The following ATP6V1H variants were observed in gnomAD, a reference collection of about 807,000 sequenced individuals.
The protein encoded by ATP6V1H is V-type proton ATPase subunit H.
A neutral mutation model predicts 71.7 loss-of-function variants in ATP6V1H; 39 were observed. The observed-to-expected ratio is 0.54, with a 90% CI of 0.42 to 0.71. The LOEUF (loss-of-function observed/expected upper bound fraction) is 0.71. Ranked by LOEUF, ATP6V1H falls within the 30% of genes least tolerant of loss-of-function variation. The pLI, the probability that ATP6V1H is intolerant of heterozygous loss-of-function variation, is 0.00. For synonymous variants in ATP6V1H, 192 were observed against 199.3 expected (o/e 0.96, Z 0.31); for missense variants, 509 against 594.9 (o/e 0.86, Z 1.50).
intron 6 of ATP6V1H, among the ~76,000 whole-genome samples, chr8:53,812,467 A>C (rs1810308716): frequency 6.6e-6 from 1 of 152,214 alleles, no homozygotes; most frequent in African/African-American, 2.4e-5. Context: ...GTTGCACATC[A>C]TTACAAGCAT....
At chr8:53,786,102 C>T (rs960046036) in intron 9 of ATP6V1H, among the ~76,000 whole-genome samples, 1 of 152,216 alleles carries the variant, frequency 6.6e-6, no homozygotes, top group Non-Finnish European at 1.5e-5. Context: ...GAGGTTACTG[C>T]TGCCTTTTGT....
chr8:53,840,062 G>T, intron 2 of ATP6V1H: 2 of 315,972 alleles, frequency 6.3e-6, no homozygotes, highest in Non-Finnish European at 9.2e-6. Flanking sequence ...GCTCCTACTT[G>T]CCACATGGCT....
In ATP6V1H at chr8:53,721,458, G is replaced by A. The variant is rs551186746; in HGVS notation, c.1392-5434C>T. ...AAAACAGTATTTAACATCACAATAT[G>A]TACCATTTTTTAGTGCCTGCTAGTT... On this transcript the variant is annotated intron_variant, in intron 13 of 13. Coordinates refer to ENST00000359530, the MANE Select transcript of ATP6V1H (RefSeq NM_015941.4). Among the ~76,000 whole-genome samples the A allele has an allele frequency of 4.6e-5, 7 of 152,194 alleles. No individual in the cohort carries two copies. In the East Asian group the frequency reaches 1.2e-3, roughly 25 times the overall value.
At chr8:53,796,765 C>T (rs758744855) in intron 8 of ATP6V1H, among the ~76,000 whole-genome samples, 15 of 152,056 alleles carry the variant, frequency 9.9e-5, no homozygotes, top group Non-Finnish European at 1.8e-4. Context: ...AAATTTGAGG[C>T]GGGAGAGGAG....
chr8:53,734,733 G>C (rs1807136929), intron 13 of ATP6V1H, among the ~76,000 whole-genome samples: 1 of 152,168 alleles, frequency 6.6e-6, no homozygotes, highest in African/African-American at 2.4e-5. Context: ...GGAACTCCTG[G>C]GCTGACTCAG....
In ATP6V1H at chr8:53,746,897, G is replaced by T. The variant is rs141428703; in HGVS notation, c.1278-3207C>A. ...TCATTTATGAGCTATTGTCTAATAG[G>T]GGTAATCTTGCTAACCATATTTCAA... On this transcript the variant is annotated intron_variant, in intron 12 of 13. Transcript: ENST00000359530. 2.3e-3 allele frequency among the ~76,000 whole-genome samples: 347 copies of T among 152,210 alleles called. 2 individuals are homozygous for T. The highest frequency in any genetic ancestry group is 8.1e-3 in the African/African-American group (336 of 41,532).
intron 12 of ATP6V1H, among the ~76,000 whole-genome samples, chr8:53,748,740 A>G (rs887256183): frequency 4.6e-5 from 7 of 152,364 alleles, no homozygotes; most frequent in Admixed American, 3.9e-4. Context: ...CATACTTTGT[A>G]GTATTAAGGG....
intron 9 of ATP6V1H, among the ~76,000 whole-genome samples, chr8:53,784,348 T>A (rs1809288907): frequency 6.6e-6 from 1 of 152,242 alleles, no homozygotes. Context: ...TATCAGAGAC[T>A]AGGATTGCAA....
Position 53,715,756 on chromosome 8 carries a change from T to G in ATP6V1H, c.*208A>C, listed in dbSNP as rs772519390. ...GCAAGCAGTATATGTAACAGTAATATTTTCTTTAAATACAGAATCACCTAC... is the reference window on the plus strand; with the variant it reads ...GCAAGCAGTATATGTAACAGTAATAGTTTCTTTAAATACAGAATCACCTAC... On this transcript the variant is annotated 3_prime_UTR_variant, in exon 14 of 14. Transcript: ENST00000359530. The G allele has an allele frequency of 4.4e-6, 2 of 452,946 alleles. No individual in the cohort carries two copies. The highest frequency in any genetic ancestry group is 7.9e-6 in the Non-Finnish European group (2 of 253,162). 28.1% of individuals were successfully genotyped at this position (452,946 alleles called of 1,614,324 possible). A position where few individuals can be genotyped will look rare whatever the true frequency, so the allele number is the denominator to read the frequency against.
At chr8:53,737,752 T>TA (rs1807272188) in intron 13 of ATP6V1H, among the ~76,000 whole-genome samples, 1 of 152,260 alleles carries the variant, frequency 6.6e-6, no homozygotes, top group East Asian at 1.9e-4. Flanking sequence ...GATTTAGATT[T>TA]AAAAATGTAA....
At position 53,734,534 on chromosome 8, in the gene ATP6V1H, A is replaced by G. The variant is rs549347095; in HGVS notation, c.1391+9043T>C. Among the ~76,000 whole-genome samples the G allele has an allele frequency of 2.3e-3, 353 of 152,374 alleles. 2 individuals carry two copies. Among genetic ancestry groups the G allele is most frequent in the African/African-American group, 8.2e-3 (342 of 41,592 alleles). ...ACTGTGAACATCTACACTGACTCTC[A>G]GTATGCCTTCTTAACCCTCCAAGTA... On this transcript the variant is annotated intron_variant, in intron 13 of 13. Transcript: ENST00000359530.
In ATP6V1H at chr8:53,772,033, G is replaced by T; in HGVS notation, c.1005C>A (p.Ile335=). 4 of 1,614,060 alleles carry T rather than the reference G, an allele frequency of 2.5e-6. No individual in the cohort carries two copies. The highest frequency in any genetic ancestry group is 3.4e-6 in the Non-Finnish European group (4 of 1,179,968). The stretch of plus-strand genomic sequence containing the variant: ...CTCCAAGTTTTTCCAAAAGAAATTT[G>T]ATATCTTCGCTGATATCTTCATCAT... ...KYDDEDISED[I]KFLLEKLGES... The change falls in exon 10 of 14, where the codon ATC becomes ATA. Residue 335 remains isoleucine (I), a synonymous_variant. Transcript: ENST00000359530.
chr8:53,814,402 G>C (rs1810382831), intron 6 of ATP6V1H, among the ~76,000 whole-genome samples: 2 of 151,874 alleles, frequency 1.3e-5, no homozygotes, highest in Admixed American at 6.6e-5. Flanking sequence ...CTAGAAGAAA[G>C]GTACTCCCTG....
At chr8:53,730,055 T>C (rs933977807) in intron 13 of ATP6V1H, among the ~76,000 whole-genome samples, 9 of 152,156 alleles carry the variant, frequency 5.9e-5, no homozygotes, top group African/African-American at 2.2e-4. Flanking sequence ...GACAGGGTCT[T>C]GGGCAGGAAA....
intron 7 of ATP6V1H, among the ~76,000 whole-genome samples, chr8:53,808,193 A>G (rs1484117182): frequency 6.6e-6 from 1 of 152,202 alleles, no homozygotes; most frequent in Non-Finnish European, 1.5e-5. Context: ...TAGGGAGGGG[A>G]AAAATGAAAA....
intron 11 of ATP6V1H, among the ~76,000 whole-genome samples, chr8:53,765,558 AG>A (rs1173435289): frequency 1.3e-5 from 2 of 152,038 alleles, no homozygotes; most frequent in Non-Finnish European, 2.9e-5. Context: ...AGAAATACTT[AG>A]GTATAAATGT....
chr8:53,810,080 G>A (rs1282312068), intron 7 of ATP6V1H, among the ~76,000 whole-genome samples: 5 of 152,200 alleles, frequency 3.3e-5, no homozygotes, highest in Admixed American at 1.3e-4. Flanking sequence ...GGGAGTACCA[G>A]CAACCAATAT....
At position 53,841,545 on chromosome 8, in the gene ATP6V1H, A is replaced by T. The variant is rs117116587; in HGVS notation, c.113+33T>A. 1.6e-3 allele frequency: 2,509 copies of T among 1,609,432 alleles called. 3 individuals carry two copies. Among genetic ancestry groups the T allele is most frequent in the Non-Finnish European group, 2.0e-3 (2,322 of 1,176,206 alleles). On this transcript the variant is annotated intron_variant, in intron 2 of 13. Coordinates refer to ENST00000359530, the MANE Select transcript of ATP6V1H (RefSeq NM_015941.4). ...AAAAAGTCTGATGCAAAAGCATATG[A>T]CTGTCCATGATTCACAGCAAATTGG...
At chr8:53,817,322 G>A (rs951989682) in intron 5 of ATP6V1H, 95 bp downstream of exon 5, 6 of 736,832 alleles carry the variant, frequency 8.1e-6, no homozygotes, top group South Asian at 7.7e-5. Context: ...CGGACTGCTT[G>A]AGCCCTAAAG....
Sources: gnomAD v4.1 joint callset for allele counts (sites outside exome capture counted in the v4.1 genomes callset) on GRCh38, gnomAD v4.1.1 for gene constraint, MANE v1.5 for transcripts, NCBI Gene and HGNC (gene_info 2026-07-23, HGNC 2026-07-21) for gene names.